CDKAL1: variants seen among roughly 807,000 people sequenced by gnomAD.
CDKAL1 encodes CDKAL1 threonylcarbamoyladenosine tRNA methylthiotransferase, also known as threonylcarbamoyladenosine tRNA methylthiotransferase.
In CDKAL1, 32 loss-of-function variants were observed where a neutral mutation model predicts 68.2. The ratio of observed to expected loss-of-function variants is 0.47; its 90% confidence interval spans 0.35 to 0.63. CDKAL1 has a LOEUF of 0.63. CDKAL1 is among the 30% of genes least tolerant of loss of function. CDKAL1 has a pLI of 0.00. For synonymous variants in CDKAL1, 234 were observed against 244.3 expected (o/e 0.96, Z 0.39); for missense variants, 606 against 696.7 (o/e 0.87, Z 1.47).
intron 4 of CDKAL1, among the ~76,000 whole-genome samples, chr6:20,604,239 T>C (rs895951538): frequency 6.6e-6 from 1 of 152,044 alleles, no homozygotes; most frequent in Non-Finnish European, 1.5e-5. Flanking sequence ...ATTGGCAGGG[T>C]TGGGAGCTCT....
At chr6:20,590,940 C>G (rs532715281) in intron 4 of CDKAL1, among the ~76,000 whole-genome samples, 82 of 152,294 alleles carry the variant, frequency 5.4e-4, no homozygotes, top group Non-Finnish European at 1.9e-4. Context: ...ACACTGTCCT[C>G]CACAATGGTT....
intron 13 of CDKAL1, among the ~76,000 whole-genome samples, chr6:21,113,940 TAAAAGAAAAAG>T (rs1318479807): frequency 7.3e-6 from 1 of 137,792 alleles, no homozygotes; most frequent in Non-Finnish European, 1.6e-5. Context: ...AGCCCATATA[TAAAAGAAAAAG>T]AAAAAAAAAA....
At chr6:20,878,389 T>C (rs998268875) in intron 9 of CDKAL1, among the ~76,000 whole-genome samples, 1 of 152,212 alleles carries the variant, frequency 6.6e-6, no homozygotes, top group Non-Finnish European at 1.5e-5. Context: ...TTTTCCTACA[T>C]GCGGTATTAT....
intron 7 of CDKAL1, among the ~76,000 whole-genome samples, chr6:20,769,197 G>T (rs1243999641): frequency 6.6e-6 from 1 of 151,418 alleles, no homozygotes; most frequent in Admixed American, 6.6e-5. Flanking sequence ...CTTCACAGGG[G>T]TGACCTTTAA....
intron 10 of CDKAL1, among the ~76,000 whole-genome samples, chr6:20,981,975 A>G (rs1766174736): frequency 2.6e-5 from 4 of 152,214 alleles, no homozygotes; most frequent in Admixed American, 2.6e-4. Flanking sequence ...TGCAGTCTCT[A>G]AGTTTGAAAC....
At chr6:20,834,768 T>C (rs1777859574) in intron 8 of CDKAL1, among the ~76,000 whole-genome samples, 1 of 152,166 alleles carries the variant, frequency 6.6e-6, no homozygotes, top group Non-Finnish European at 1.5e-5. Flanking sequence ...GGCATTAGCT[T>C]ATTGTTTGAG....
intron 13 of CDKAL1, among the ~76,000 whole-genome samples, chr6:21,176,395 TGAACAGA>T (rs1392311419): frequency 6.6e-6 from 1 of 152,254 alleles, no homozygotes; most frequent in East Asian, 1.9e-4. Flanking sequence ...CACAAAGAAG[TGAACAGA>T]CTGGCATTTC....
chr6:21,117,817 T>G (rs1415514522), intron 13 of CDKAL1, among the ~76,000 whole-genome samples: 1 of 152,174 alleles, frequency 6.6e-6, no homozygotes, highest in Admixed American at 6.5e-5. Context: ...TCCCCTTGGT[T>G]TACTACAAAG....
chr6:21,116,569 A>T (rs1774424097), intron 13 of CDKAL1, among the ~76,000 whole-genome samples: 1 of 152,150 alleles, frequency 6.6e-6, no homozygotes, highest in Non-Finnish European at 1.5e-5. Flanking sequence ...AGCTGATGGC[A>T]TTTGTGACTG....
intron 9 of CDKAL1, among the ~76,000 whole-genome samples, chr6:20,924,098 G>T (rs761317132): frequency 6.6e-6 from 1 of 151,496 alleles, no homozygotes; most frequent in African/African-American, 2.4e-5. Context: ...GTCATGTTGT[G>T]AATGCAAAAG....
chr6:20,803,635 TG>T (rs1276952733), intron 8 of CDKAL1, among the ~76,000 whole-genome samples: 2 of 151,894 alleles, frequency 1.3e-5, no homozygotes. Context: ...GGTGGAAGAG[TG>T]GGCAGGAGAT....
chr6:20,953,600 T>C (rs1439121617), intron 9 of CDKAL1, among the ~76,000 whole-genome samples: 1 of 152,180 alleles, frequency 6.6e-6, no homozygotes, highest in Admixed American at 6.5e-5. Flanking sequence ...AAAAAGATTG[T>C]ATGAGTCCAG....
intron 11 of CDKAL1, among the ~76,000 whole-genome samples, chr6:21,029,043 T>C (rs201304): frequency 0.091 from 13,774 of 152,122 alleles, 809 homozygotes; most frequent in Middle Eastern, 0.16. Flanking sequence ...TTAACCTCTC[T>C]TTTCTTTTCT....
At chr6:20,860,071 CA>C (rs1759532232) in intron 9 of CDKAL1, among the ~76,000 whole-genome samples, 1 of 151,946 alleles carries the variant, frequency 6.6e-6, no homozygotes, top group Non-Finnish European at 1.5e-5. Context: ...AAGCATTTAT[CA>C]TAATTCTTTT....
intron 5 of CDKAL1, among the ~76,000 whole-genome samples, chr6:20,675,930 G>A (rs1237205652): frequency 6.6e-6 from 1 of 152,152 alleles, no homozygotes; most frequent in Non-Finnish European, 1.5e-5. Context: ...AGCAAGATGT[G>A]GAGGTGGAAG....
At chr6:20,581,522 T>C (rs1765143898) in intron 4 of CDKAL1, among the ~76,000 whole-genome samples, 1 of 152,230 alleles carries the variant, frequency 6.6e-6, no homozygotes, top group Non-Finnish European at 1.5e-5. Flanking sequence ...TTATATGCTA[T>C]ATTAAATTTT....
intron 15 of CDKAL1, among the ~76,000 whole-genome samples, chr6:21,201,862 A>G (rs974435253): frequency 1.3e-5 from 2 of 152,168 alleles, no homozygotes; most frequent in African/African-American, 4.8e-5. Context: ...TCATTGAGCT[A>G]CAGTTGTAAA....
chr6:20,794,681 G>A (rs2150395698), intron 8 of CDKAL1, among the ~76,000 whole-genome samples: 1 of 152,138 alleles, frequency 6.6e-6, no homozygotes, highest in South Asian at 2.1e-4. Flanking sequence ...TTTCATAGAT[G>A]ATAAAACTGA....
chr6:20,994,145 C>T (rs1766982903), intron 10 of CDKAL1, among the ~76,000 whole-genome samples: 1 of 152,166 alleles, frequency 6.6e-6, no homozygotes, highest in Admixed American at 6.5e-5. Flanking sequence ...CTTGGTAAAC[C>T]TGAGACCCTT....
Sources: gnomAD v4.1 joint callset for allele counts (sites outside exome capture counted in the v4.1 genomes callset) on GRCh38, gnomAD v4.1.1 for gene constraint, MANE v1.5 for transcripts, NCBI Gene and HGNC (gene_info 2026-07-23, HGNC 2026-07-21) for gene names.